Variants in CSN1S1 observed in about 807,000 individuals in gnomAD.
CSN1S1 encodes casein alpha s1, also known as alpha-S1-casein.
Under a neutral mutation model 49.1 loss-of-function variants are expected in CSN1S1, and 63 were observed. That is an observed-to-expected ratio of 1.28 (90% confidence interval 1.05 to 1.58). The LOEUF is 1.58. CSN1S1 is among the 40% of genes most tolerant of loss of function. CSN1S1 has a pLI of 0.00. For missense variants in CSN1S1, 260 were observed against 224.7 expected (o/e 1.16, Z -1.01); for synonymous variants, 78 against 67.1 (o/e 1.16, Z -0.79).
chr4:69,936,750 T>C (rs957750712), intron 7 of CSN1S1, 143 bp downstream of exon 7: 3 of 699,410 alleles, frequency 4.3e-6, no homozygotes, highest in South Asian at 2.0e-5. Context: ...TAGTGACTAA[T>C]GGAGTCTGCT....
intron 10 of CSN1S1, 121 bp from the exon 11 acceptor site, chr4:69,939,900 T>G: frequency 3.3e-6 from 2 of 604,608 alleles, no homozygotes; most frequent in Admixed American, 3.7e-5. Flanking sequence ...TTTTTGGGAA[T>G]TTATCACTAA....
At position 69,942,597 on chromosome 4, in the gene CSN1S1, A is replaced by T; in HGVS notation, c.402+20A>T. 2 of 1,555,528 alleles carry T rather than the reference A, an allele frequency of 1.3e-6. No individual in the cohort carries two copies. Among genetic ancestry groups the T allele is most frequent in the Non-Finnish European group, 1.7e-6 (2 of 1,144,042 alleles). On this transcript the variant is annotated intron_variant, in intron 14 of 15. Coordinates refer to ENST00000246891, the MANE Select transcript of CSN1S1 (RefSeq NM_001890.2). ...CAAGTGGTAATATTTTGCTTAATAT[A>T]TTACAAAACGATAATATTTTGTTAA...
Position 69,940,049 on chromosome 4 carries a change from G to A in CSN1S1, c.300+5G>A. The A allele has an allele frequency of 8.1e-6, 11 of 1,364,598 alleles. No homozygotes were observed. The highest frequency in any genetic ancestry group is 9.9e-6 in the Non-Finnish European group (10 of 1,012,466). The allele number at this position is 1,364,598 out of a possible 1,614,324, so 84.5% of individuals were successfully genotyped here. A position where few individuals can be genotyped will look rare whatever the true frequency, so the allele number is the denominator to read the frequency against. ...ATGTCTCTCAGTAAGTGTGCGGTAA[G>A]ACATATTTGCTAAATTTAAAATATA... is the stretch of plus-strand genomic sequence containing the variant. On this transcript the variant is annotated splice_donor_5th_base_variant and intron_variant, in intron 11 of 15. Transcript: ENST00000246891.
At chr4:69,942,467 G>T (rs1299327072) in intron 13 of CSN1S1, 69 bp from the exon 14 acceptor site, 2 of 1,168,844 alleles carry the variant, frequency 1.7e-6, no homozygotes, top group African/African-American at 1.5e-5. Flanking sequence ...TACTTCTGGT[G>T]CAATGTAAGA....
chr4:69,932,976 T>C (rs1350815502), intron 2 of CSN1S1, among the ~76,000 whole-genome samples: 1 of 151,976 alleles, frequency 6.6e-6, no homozygotes, highest in East Asian at 1.9e-4. Flanking sequence ...AAAAATGTAA[T>C]AGTTGTCCAA....
rs1176133123 is a variant in CSN1S1, at chr4:69,932,620, A to G, written c.51+14A>G. Reference sequence around the variant, plus strand: ...CTTGCCAGGCCTGTAAGTTCAGTAGAGAATTTAGAAAGTCTTAGACTCTTG... The same window carrying G: ...CTTGCCAGGCCTGTAAGTTCAGTAGGGAATTTAGAAAGTCTTAGACTCTTG... On this transcript the variant is annotated intron_variant, in intron 2 of 15. Transcript: ENST00000246891. 1 of 1,584,992 alleles carries G rather than the reference A, an allele frequency of 6.3e-7. No individual in the cohort carries two copies. The highest frequency in any genetic ancestry group is 8.6e-7 in the Non-Finnish European group (1 of 1,162,422).
rs1191489400 is a variant in CSN1S1 at position 69,936,611 on chromosome 4, C to A, written c.195+4C>A. ...AAAACAGACTGATGAAATCAAGGTA[C>A]CAAAGTTTTTCTTGAAAGAGTATGG... On this transcript the variant is annotated splice_donor_region_variant and intron_variant, in intron 7 of 15. Transcript: ENST00000246891. The A allele has an allele frequency of 1.9e-6, 3 of 1,601,146 alleles. No individual in the cohort carries two copies. Among genetic ancestry groups the A allele is most frequent in the Non-Finnish European group, 2.6e-6 (3 of 1,173,396 alleles).
chr4:69,940,995 G>A (rs1008115320), intron 11 of CSN1S1, 24 bp from the exon 12 acceptor site: 10 of 1,338,068 alleles, frequency 7.5e-6, no homozygotes, highest in Non-Finnish European at 8.3e-6. Context: ...CCAAGCAATT[G>A]AGAATATTTT....
At chr4:69,935,426 T>C (rs1457033620) in intron 4 of CSN1S1, among the ~76,000 whole-genome samples, 1 of 150,990 alleles carries the variant, frequency 6.6e-6, no homozygotes, top group African/African-American at 2.4e-5. Context: ...GGCATGCACT[T>C]GTGGTTCCAG....
At chr4:69,942,485 G>C in intron 13 of CSN1S1, 51 bp from the exon 14 acceptor site, 1 of 1,355,922 alleles carries the variant, frequency 7.4e-7, no homozygotes, top group Non-Finnish European at 1.0e-6. Context: ...AGATAAATGT[G>C]TTGTACCAGA....
intron 14 of CSN1S1, among the ~76,000 whole-genome samples, 153 bp from the exon 15 acceptor site, chr4:69,944,697 A>T (rs1723095056): frequency 6.6e-6 from 1 of 152,000 alleles, no homozygotes; most frequent in African/African-American, 2.4e-5. Context: ...TTCACCATAG[A>T]AGATTTTGAT....
chr4:69,937,495 C>A (rs1722823276), intron 8 of CSN1S1, among the ~76,000 whole-genome samples: 1 of 150,848 alleles, frequency 6.6e-6, no homozygotes, highest in African/African-American at 2.4e-5. Context: ...CAGTGTCCTG[C>A]TCAGAGTCCA....
At chr4:69,934,166 AT>A (rs1262710156) in intron 2 of CSN1S1, 45 bp from the exon 3 acceptor site, 3 of 1,455,448 alleles carry the variant, frequency 2.1e-6, no homozygotes, top group Non-Finnish European at 2.9e-6. Flanking sequence ...TGTTATTGTC[AT>A]TTTAGTTACT....
chr4:69,940,157 AC>A (rs1436994265), intron 11 of CSN1S1, 113 bp downstream of exon 11: 5 of 474,362 alleles, frequency 1.1e-5, no homozygotes, highest in Non-Finnish European at 1.8e-5. Context: ...ACACGGGAAA[AC>A]ATGCTATACC....
At chr4:69,938,787 C>T (rs1722886640) in intron 9 of CSN1S1, among the ~76,000 whole-genome samples, 1 of 151,250 alleles carries the variant, frequency 6.6e-6, no homozygotes, top group Non-Finnish European at 1.5e-5. Context: ...TCAAAGAAGC[C>T]CCAAGGACAG....
At chr4:69,945,235 T>C (rs928480230) in intron 15 of CSN1S1, among the ~76,000 whole-genome samples, 1 of 152,052 alleles carries the variant, frequency 6.6e-6, no homozygotes, top group Non-Finnish European at 1.5e-5. Context: ...CTATAAGTGA[T>C]ATTTATTCTA....
intron 14 of CSN1S1, among the ~76,000 whole-genome samples, chr4:69,944,492 A>T (rs977563017): frequency 1.3e-5 from 2 of 152,010 alleles, no homozygotes; most frequent in Admixed American, 1.3e-4. Context: ...CTAAATGGCA[A>T]AAATTCCCTT....
At chr4:69,936,641 A>C in intron 7 of CSN1S1, 34 bp downstream of exon 7, 1 of 1,572,004 alleles carries the variant, frequency 6.4e-7, no homozygotes, top group South Asian at 1.2e-5. Flanking sequence ...GTATGGCAAA[A>C]GTATATATTC....
intron 1 of CSN1S1, among the ~76,000 whole-genome samples, chr4:69,932,022 G>T (rs901911746): frequency 2.0e-5 from 3 of 151,798 alleles, no homozygotes; most frequent in Non-Finnish European, 4.4e-5. Context: ...TTTACATAAC[G>T]TGCAGACAGG....
Sources: allele counts gnomAD v4.1 joint callset (sites outside exome capture counted in the v4.1 genomes callset), GRCh38; gene constraint gnomAD v4.1.1; transcripts MANE v1.5; gene names NCBI Gene and HGNC (gene_info 2026-07-23, HGNC 2026-07-21).